SPAG9: variants seen among roughly 807,000 people sequenced by gnomAD.
SPAG9 encodes the protein sperm associated antigen 9.
Under a neutral mutation model 166.5 loss-of-function variants are expected in SPAG9, and 35 were observed. The ratio of observed to expected loss-of-function variants is 0.21; its 90% CI spans 0.16 to 0.28. The LOEUF is 0.28. Ranked by LOEUF, SPAG9 falls within the 10% of genes least tolerant of loss-of-function variation. The pLI, the probability that SPAG9 is intolerant of heterozygous loss-of-function variation, is 1.00. For synonymous variants in SPAG9, 534 were observed against 565.5 expected, an observed-to-expected ratio of 0.94 and a Z score of 0.79; for missense variants, 1,235 against 1,603.3, an observed-to-expected ratio of 0.77 and a Z score of 3.92.
At chr17:51,027,659 A>T (rs1329720394) in intron 6 of SPAG9, among the ~76,000 whole-genome samples, 1 of 152,202 alleles carries the variant, frequency 6.6e-6, no homozygotes, top group Non-Finnish European at 1.5e-5. Context: ...ATCCCAGTGC[A>T]ATGCCCTAGT....
At chr17:51,039,976 TG>T (rs2046768188) in intron 5 of SPAG9, among the ~76,000 whole-genome samples, 1 of 152,170 alleles carries the variant, frequency 6.6e-6, no homozygotes, top group South Asian at 2.1e-4. Flanking sequence ...GGCTCACGCC[TG>T]TAATTCCAGC....
In SPAG9 at chr17:50,985,774, A is replaced by G. The variant is rs373882345; in HGVS notation, c.2944T>C (p.Tyr982His). 3.1e-6 allele frequency: 5 copies of G among 1,593,974 alleles called. No homozygotes were observed. The highest frequency in any genetic ancestry group is 4.3e-6 in the Non-Finnish European group (5 of 1,162,986). Residue 982 changes from tyrosine to histidine, a missense_variant, in exon 23 of 30, where the codon TAT (tyrosine) becomes CAT (histidine). Around this residue, in one of 6 missense-constraint regions of SPAG9, gnomAD observed 493 missense variants for 559.4 expected, o/e 0.88. Coordinates refer to ENST00000262013, the MANE Select transcript of SPAG9 (RefSeq NM_001130528.3). ...CACTGGGCTACAGATGAATGGACAT[A>G]CAAACTGTAAGAACAAAGTCAACAC... Reference protein sequence around the residue: ...MWLGAQNGCLYVHSSVAQWRK... With the variant: ...MWLGAQNGCLHVHSSVAQWRK...
intron 1 of SPAG9, among the ~76,000 whole-genome samples, chr17:51,101,444 T>C (rs766806934): frequency 1.5e-4 from 22 of 151,612 alleles, no homozygotes; most frequent in Non-Finnish European, 2.5e-4. Flanking sequence ...TTTGCCATCA[T>C]CTGATGCCTG....
At chr17:51,011,260 C>G (rs1275423179) in intron 9 of SPAG9, among the ~76,000 whole-genome samples, 1 of 149,760 alleles carries the variant, frequency 6.7e-6, no homozygotes, top group Non-Finnish European at 1.5e-5. Flanking sequence ...CTAGGAGTTC[C>G]AGGACAGCCT....
chr17:51,058,031 T>C (rs929087899), intron 2 of SPAG9, among the ~76,000 whole-genome samples: 1 of 152,226 alleles, frequency 6.6e-6, no homozygotes, highest in African/African-American at 2.4e-5. Flanking sequence ...CTTAAAGGAA[T>C]TCTGAGACTA....
At chr17:51,064,199 T>C (rs1183494518) in intron 2 of SPAG9, among the ~76,000 whole-genome samples, 2 of 152,216 alleles carry the variant, frequency 1.3e-5, no homozygotes, top group Admixed American at 1.3e-4. Flanking sequence ...GTGTCACTGA[T>C]AGCTAATTAT....
At chr17:51,010,109 T>G (rs2045404159) in intron 9 of SPAG9, among the ~76,000 whole-genome samples, 1 of 152,176 alleles carries the variant, frequency 6.6e-6, no homozygotes, top group Non-Finnish European at 1.5e-5. Flanking sequence ...AAGTTTCATT[T>G]GGATTTTAAC....
chr17:51,120,799 G>A lies in SPAG9; in HGVS notation c.-143C>T. On this transcript the variant is annotated 5_prime_UTR_variant, in exon 1 of 30. Coordinates refer to ENST00000262013, the MANE Select transcript of SPAG9 (RefSeq NM_001130528.3). The surrounding 1 kb of genome is among the most constrained non-coding windows in gnomAD (Gnocchi z 4.7). ...GGCTGGGGCTGGGCCCGGCGGGGTG[G>A]GGGCCGGGGCCGGAGGAGGGGAGGG... 2 of 552,054 alleles carry A rather than the reference G, an allele frequency of 3.6e-6. No individual in the cohort carries two copies. Among genetic ancestry groups the A allele is most frequent in the Non-Finnish European group, 5.7e-6 (2 of 350,204 alleles). The allele number at this position is 552,054 out of a possible 1,614,324, so 34.2% of individuals were successfully genotyped here.
At chr17:50,987,055 G>C in intron 22 of SPAG9, 57 bp downstream of exon 22, 1 of 1,524,948 alleles carries the variant, frequency 6.6e-7, no homozygotes, top group Non-Finnish European at 8.9e-7. Flanking sequence ...CTTATCTTCT[G>C]ATTTCAAAAG....
chr17:50,985,517 G>A (rs1037030545), intron 23 of SPAG9, among the ~76,000 whole-genome samples, 181 bp downstream of exon 23: 8 of 151,982 alleles, frequency 5.3e-5, no homozygotes, highest in Non-Finnish European at 1.2e-4. Flanking sequence ...TTTCTACTTC[G>A]TTTTCTATTA....
chr17:51,005,950 T>C, intron 11 of SPAG9, 135 bp downstream of exon 11: 1 of 880,012 alleles, frequency 1.1e-6, no homozygotes, highest in Non-Finnish European at 1.8e-6. Flanking sequence ...GCTGGGGCAC[T>C]TTGCCCTCTC....
At chr17:51,112,534 G>C (rs1243658540) in intron 1 of SPAG9, among the ~76,000 whole-genome samples, 1 of 151,614 alleles carries the variant, frequency 6.6e-6, no homozygotes, top group Non-Finnish European at 1.5e-5. Context: ...AGCTGGGTGT[G>C]ATGGCGCGCG....
intron 6 of SPAG9, among the ~76,000 whole-genome samples, chr17:51,022,280 C>T (rs1334355849): frequency 2.0e-5 from 3 of 151,922 alleles, no homozygotes. Context: ...TAGACAGAGT[C>T]TAAGTCCAAC....
intron 4 of SPAG9, among the ~76,000 whole-genome samples, chr17:51,045,987 T>C (rs2047005217): frequency 6.6e-6 from 1 of 152,222 alleles, no homozygotes; most frequent in African/African-American, 2.4e-5. Flanking sequence ...TAAAACATAT[T>C]TTGTTTTAGG....
At chr17:51,089,621 TA>T (rs1448185968) in intron 1 of SPAG9, among the ~76,000 whole-genome samples, 12 of 9,674 alleles carry the variant, frequency 1.2e-3, no homozygotes, top group South Asian at 5.6e-3. Flanking sequence ...CACTTTATTT[TA>T]TATATATATA....
At chr17:51,008,653 CTA>C (rs1455545564) in intron 9 of SPAG9, among the ~76,000 whole-genome samples, 1 of 152,034 alleles carries the variant, frequency 6.6e-6, no homozygotes, top group Non-Finnish European at 1.5e-5. Flanking sequence ...CATATTTTGT[CTA>C]TATTCTAATT....
At chr17:50,997,000 C>A (rs967594690) in intron 15 of SPAG9, among the ~76,000 whole-genome samples, 2 of 152,162 alleles carry the variant, frequency 1.3e-5, no homozygotes, top group South Asian at 4.1e-4. Flanking sequence ...ATTAGCCAGG[C>A]ACGGTAGTGC....
chr17:51,112,995 G>A (rs1295884403), intron 1 of SPAG9, among the ~76,000 whole-genome samples: 1 of 145,650 alleles, frequency 6.9e-6, no homozygotes, highest in Non-Finnish European at 1.5e-5. Context: ...CCCAACCAAA[G>A]GAAAAAAAAA....
At chr17:51,079,250 G>A (rs2048098288) in intron 2 of SPAG9, among the ~76,000 whole-genome samples, 1 of 150,784 alleles carries the variant, frequency 6.6e-6, no homozygotes, top group African/African-American at 2.4e-5. Context: ...TTTTTCTGGG[G>A]GGTGGGGGGA....
Sources: allele counts gnomAD v4.1 joint callset (sites outside exome capture counted in the v4.1 genomes callset), GRCh38; gene constraint gnomAD v4.1.1; regional missense constraint gnomAD v4.1.1; non-coding constraint Gnocchi (gnomAD v3.1); transcripts MANE v1.5; gene names NCBI Gene and HGNC (gene_info 2026-07-23, HGNC 2026-07-21).